The following STON2 variants were observed in gnomAD, a reference collection of about 807,000 sequenced individuals.
STON2 encodes the protein stonin-2.
STON2 carries 29 observed loss-of-function variants against 65.7 expected under a neutral mutation model. That is an observed-to-expected ratio of 0.44 (90% CI 0.33 to 0.60). The LOEUF (loss-of-function observed/expected upper bound fraction) is 0.60. Among genes scored for constraint, STON2 ranks in the 20% least tolerant of loss-of-function variants. STON2 has a pLI of 0.03. For missense variants in STON2, 1,054 were observed against 1,118.1 expected (o/e 0.94, Z 0.82); for synonymous variants, 404 against 414.2 (o/e 0.98, Z 0.30).
chr14:81,434,227 A>G lies in STON2; in HGVS notation c.-310+2094T>C, dbSNP rs190182467. On this transcript the variant is annotated intron_variant, in intron 1 of 8. Transcript: ENST00000553821. ...ATTTTATAAAGCAGAAGCCTGGCTC[A>G]GAAAAACAAAGCAATTTGTTGAAGT... Among the ~76,000 whole-genome samples, 313 of 152,368 alleles carry G rather than the reference A, an allele frequency of 2.1e-3. 2 individuals carry two copies. The highest frequency in any genetic ancestry group is 7.3e-3 in the African/African-American group (302 of 41,586).
At position 81,263,034 on chromosome 14, in the gene STON2, C is replaced by G; in HGVS notation, c.*5380G>C. On this transcript the variant is annotated 3_prime_UTR_variant, in exon 8 of 8. Transcript: ENST00000614646. ...AATGCCCTAATTTTATGTAAAGGGTCGTCATGGTTTGAATGGGACTTAGTA... is the reference window on the plus strand; with the variant it reads ...AATGCCCTAATTTTATGTAAAGGGTGGTCATGGTTTGAATGGGACTTAGTA... The G allele has an allele frequency of 2.0e-6, 2 of 985,304 alleles. No individual in the cohort carries two copies. Among genetic ancestry groups the G allele is most frequent in the Non-Finnish European group, 1.2e-6 (1 of 829,890 alleles). The allele number at this position is 985,304 out of a possible 1,614,324, so 61.0% of individuals were successfully genotyped here. A position where few individuals can be genotyped will look rare whatever the true frequency, so the allele number is the denominator to read the frequency against.
At position 81,322,992 on chromosome 14, in the gene STON2, T is replaced by G. The variant is rs547535737; in HGVS notation, c.742+1025A>C. ...TCAGTTTGGGCAATTTCTATTGCAT[T>G]TCCCATACCGCCCTCCTATAAAACC... On this transcript the variant is annotated intron_variant, in intron 5 of 7. Coordinates refer to ENST00000614646, the MANE Select transcript of STON2 (RefSeq NM_001394390.1). Among the ~76,000 whole-genome samples the G allele has an allele frequency of 3.9e-5, 6 of 152,316 alleles. No individual in the cohort carries two copies. In the East Asian group the frequency reaches 1.2e-3, roughly 29 times the overall value.
At chr14:81,388,876 T>C (rs1899948612) in intron 3 of STON2, among the ~76,000 whole-genome samples, 1 of 152,212 alleles carries the variant, frequency 6.6e-6, no homozygotes, top group Non-Finnish European at 1.5e-5. Context: ...CAAGCCAGGA[T>C]GTTCAGGTAT....
chr14:81,402,291 C>T (rs1900647780), upstream of STON2, among the ~76,000 whole-genome samples: 1 of 152,156 alleles, frequency 6.6e-6, no homozygotes, highest in African/African-American at 2.4e-5. Flanking sequence ...GGGGCACAGT[C>T]ATCAGGAACA....
At chr14:81,426,403 G>A (rs1483838497) in intron 2 of STON2, among the ~76,000 whole-genome samples, 2 of 152,098 alleles carry the variant, frequency 1.3e-5, no homozygotes, top group South Asian at 2.1e-4. Context: ...TCAACCCTAG[G>A]ACCCCTTCTC....
intron 2 of STON2, among the ~76,000 whole-genome samples, chr14:81,406,383 C>G (rs910879427): frequency 8.5e-5 from 13 of 152,170 alleles, no homozygotes; most frequent in African/African-American, 2.9e-4. Context: ...CAGCCACAGC[C>G]TAAGTCTGAC....
At chr14:81,417,600 T>C (rs73341999) in intron 2 of STON2, among the ~76,000 whole-genome samples, 2,091 of 152,276 alleles carry the variant, frequency 0.014, 54 homozygotes, top group African/African-American at 0.048. Context: ...GTGCAATTAA[T>C]TGGAGACAGG....
chr14:81,418,562 A>C (rs1430260655), intron 2 of STON2, among the ~76,000 whole-genome samples: 2 of 152,220 alleles, frequency 1.3e-5, no homozygotes, highest in Non-Finnish European at 2.9e-5. Context: ...TGTAAAAAAA[A>C]GGCAAAAAGT....
rs976858246 is a variant in STON2 at position 81,260,976 on chromosome 14, G to A, written c.*7438C>T. ...TACAGACATTACAAGAATGGAGGGT[G>A]AGGAATGGTGCTTCTCTGTCATCGC... On this transcript the variant is annotated 3_prime_UTR_variant, in exon 8 of 8. Transcript: ENST00000614646. The A allele has an allele frequency of 2.0e-5, 3 of 152,168 alleles. No individual in the cohort carries two copies. Among genetic ancestry groups the A allele is most frequent in the African/African-American group, 7.2e-5 (3 of 41,436 alleles). 9.4% of individuals were successfully genotyped at this position (152,168 alleles called of 1,614,324 possible).
intron 3 of STON2, among the ~76,000 whole-genome samples, chr14:81,389,934 C>T (rs1398966620): frequency 1.3e-5 from 2 of 152,102 alleles, no homozygotes; most frequent in African/African-American, 4.8e-5. Context: ...AAACGTAGGC[C>T]AGGCATGGTG....
intron 5 of STON2, among the ~76,000 whole-genome samples, chr14:81,302,683 G>A (rs1168666592): frequency 6.6e-6 from 1 of 152,202 alleles, no homozygotes; most frequent in Non-Finnish European, 1.5e-5. Flanking sequence ...AGAGGACACT[G>A]CAAATGTCTC....
intron 3 of STON2, among the ~76,000 whole-genome samples, chr14:81,387,307 T>C (rs995471733): frequency 1.3e-5 from 2 of 152,112 alleles, no homozygotes; most frequent in Non-Finnish European, 2.9e-5. Flanking sequence ...CAACCTCAAA[T>C]GGGAGATGTG....
chr14:81,365,966 T>C (rs369854362), intron 4 of STON2, among the ~76,000 whole-genome samples: 1 of 152,084 alleles, frequency 6.6e-6, no homozygotes, highest in Non-Finnish European at 1.5e-5. Context: ...CTGGTGAAAA[T>C]AGCAGGGTGT....
chr14:81,346,399 C>T lies in STON2; in HGVS notation c.572-22212G>A, dbSNP rs73339726. On this transcript the variant is annotated intron_variant, in intron 4 of 7. Coordinates refer to ENST00000614646, the MANE Select transcript of STON2 (RefSeq NM_001394390.1). Reference sequence around the variant, plus strand: ...AATTACAAAGACCCAGGCCTTCCCCCAAAGGACTTTGGGACCAGAGAAAAG... The same window carrying T: ...AATTACAAAGACCCAGGCCTTCCCCTAAAGGACTTTGGGACCAGAGAAAAG... Among the ~76,000 whole-genome samples the T allele has an allele frequency of 4.7e-3, 713 of 152,108 alleles. 3 individuals are homozygous for T. The highest frequency in any genetic ancestry group is 0.016 in the African/African-American group (674 of 41,486).
rs371844510 is a variant in STON2 at position 81,378,650 on chromosome 14, C to T, written c.374-7465G>A. Among the ~76,000 whole-genome samples the T allele has an allele frequency of 2.5e-4, 38 of 152,282 alleles. 1 individual carries two copies. The East Asian group carries it at 3.1e-3, about 12-fold the overall frequency. ...TAATGCTACACATATATTTTGTTTACTTTTGTACTGTATATATATATTATA... is the reference window on the plus strand; with the variant it reads ...TAATGCTACACATATATTTTGTTTATTTTTGTACTGTATATATATATTATA... On this transcript the variant is annotated intron_variant, in intron 3 of 7. Coordinates refer to ENST00000614646, the MANE Select transcript of STON2 (RefSeq NM_001394390.1).
intron 4 of STON2, among the ~76,000 whole-genome samples, chr14:81,363,267 C>T (rs1459505724): frequency 6.6e-6 from 1 of 152,118 alleles, no homozygotes; most frequent in Non-Finnish European, 1.5e-5. Flanking sequence ...GTATATAGGA[C>T]ATTCCTGGCA....
chr14:81,301,991 A>G (rs1895986821), intron 5 of STON2, among the ~76,000 whole-genome samples: 1 of 152,156 alleles, frequency 6.6e-6, no homozygotes, highest in African/African-American at 2.4e-5. Context: ...TCACTTGAAT[A>G]TGACTCAAGC....
intron 2 of STON2, among the ~76,000 whole-genome samples, chr14:81,421,474 G>C (rs1901700687): frequency 6.6e-6 from 1 of 152,228 alleles, no homozygotes; most frequent in Non-Finnish European, 1.5e-5. Flanking sequence ...TGGAAGCAAT[G>C]AGAGAGATCA....
chr14:81,265,596 G>A lies in STON2; in HGVS notation c.*2818C>T, dbSNP rs1279007990. The A allele has an allele frequency of 5.1e-6, 2 of 390,426 alleles. No individual in the cohort carries two copies. The highest frequency in any genetic ancestry group is 3.5e-6 in the Non-Finnish European group (1 of 286,650). 24.2% of individuals were successfully genotyped at this position (390,426 alleles called of 1,614,324 possible). A position where few individuals can be genotyped will look rare whatever the true frequency, so the allele number is the denominator to read the frequency against. On this transcript the variant is annotated 3_prime_UTR_variant, in exon 8 of 8. Coordinates refer to ENST00000614646, the MANE Select transcript of STON2 (RefSeq NM_001394390.1). ...GGAGGCAGAGGTTGCAATGAGCCGA[G>A]ATCACGCCATTGCACTCCAGCCTGG...
Sources: allele counts gnomAD v4.1 joint callset (sites outside exome capture counted in the v4.1 genomes callset), GRCh38; gene constraint gnomAD v4.1.1; transcripts MANE v1.5; gene names NCBI Gene and HGNC (gene_info 2026-07-23, HGNC 2026-07-21).